TMEM232: variants seen among roughly 807,000 people sequenced by gnomAD.
TMEM232 encodes the protein transmembrane protein 232.
A neutral mutation model predicts 78.8 loss-of-function variants in TMEM232; 80 were observed. The observed-to-expected ratio is 1.01, with a 90% CI of 0.85 to 1.22. TMEM232 has a LOEUF of 1.22. Among genes scored for constraint, TMEM232 ranks in the 50% most tolerant of loss-of-function variants. TMEM232 has a pLI of 0.00. For synonymous variants in TMEM232, 297 were observed against 254.3 expected, an observed-to-expected ratio of 1.17 and a Z score of -1.60; for missense variants, 881 against 742.2, an observed-to-expected ratio of 1.19 and a Z score of -2.17.
intron 1 of TMEM232, among the ~76,000 whole-genome samples, chr5:110,700,770 GTAGATAGATAGATAGGTAGATAGATAGA>G (rs1795330804): frequency 7.6e-6 from 1 of 131,154 alleles, no homozygotes; most frequent in Admixed American, 7.5e-5. Context: ...AGGTAGGTAG[GTAGATAGATAGATAGGTAGATAGATAGA>G]TAGATAGATA....
intron 11 of TMEM232, among the ~76,000 whole-genome samples, chr5:110,531,909 A>G (rs983515168): frequency 2.6e-5 from 4 of 152,170 alleles, no homozygotes; most frequent in African/African-American, 9.7e-5. Flanking sequence ...TAAAACTCCA[A>G]AAATTAAATT....
At chr5:110,676,578 G>T (rs1310875249) in intron 1 of TMEM232, among the ~76,000 whole-genome samples, 1 of 151,266 alleles carries the variant, frequency 6.6e-6, no homozygotes, top group African/African-American at 2.4e-5. Flanking sequence ...TCTAATGTTT[G>T]TATGTATGTA....
intron 10 of TMEM232, among the ~76,000 whole-genome samples, chr5:110,577,191 A>G (rs1016650151): frequency 6.6e-6 from 1 of 151,876 alleles, no homozygotes; most frequent in African/African-American, 2.4e-5. Context: ...AAGAAAAAAA[A>G]TCCCATAAAA....
At chr5:110,632,463 C>T (rs771652344) in intron 5 of TMEM232, among the ~76,000 whole-genome samples, 1 of 151,692 alleles carries the variant, frequency 6.6e-6, no homozygotes, top group Non-Finnish European at 1.5e-5. Flanking sequence ...TAAAGAAACA[C>T]AGTTAGATAC....
intron 12 of TMEM232, among the ~76,000 whole-genome samples, chr5:110,505,685 T>G (rs1766802514): frequency 6.6e-6 from 1 of 151,976 alleles, no homozygotes; most frequent in South Asian, 2.1e-4. Context: ...TTTTGTGTAT[T>G]TTTTGGTAGA....
intron 12 of TMEM232, among the ~76,000 whole-genome samples, chr5:110,469,951 G>A (rs1322010507): frequency 6.6e-6 from 1 of 152,066 alleles, no homozygotes; most frequent in East Asian, 1.9e-4. Context: ...GCCAAAGAGT[G>A]GAGTCATTAC....
intron 2 of TMEM232, among the ~76,000 whole-genome samples, chr5:110,405,424 C>G (rs1203047685): frequency 1.3e-5 from 2 of 150,350 alleles, no homozygotes; most frequent in African/African-American, 4.9e-5. Flanking sequence ...GTCCCATCAC[C>G]AAGAAAAAAA....
intron 5 of TMEM232, 47 bp from the exon 6 acceptor site, chr5:110,627,927 A>G: frequency 1.6e-6 from 2 of 1,258,820 alleles, no homozygotes; most frequent in Non-Finnish European, 2.2e-6. Flanking sequence ...GCATCAATAA[A>G]TGTTTAAAAA....
chr5:110,671,458 C>T (rs7445771), intron 1 of TMEM232, among the ~76,000 whole-genome samples: 152,086 of 152,288 alleles, frequency 1, 75,942 homozygotes, highest in Middle Eastern at 1. Flanking sequence ...CGTATGTTTA[C>T]TGCAGCACTA....
At chr5:110,575,725 C>T (rs974756350) in intron 10 of TMEM232, among the ~76,000 whole-genome samples, 2 of 151,998 alleles carry the variant, frequency 1.3e-5, no homozygotes, top group Non-Finnish European at 2.9e-5. Context: ...AAACCTCCCC[C>T]ACTCAGAGAA....
At chr5:110,600,135 C>A (rs1780704924) in intron 10 of TMEM232, among the ~76,000 whole-genome samples, 1 of 152,046 alleles carries the variant, frequency 6.6e-6, no homozygotes, top group African/African-American at 2.4e-5. Context: ...GAACAATGTA[C>A]CAGAATCTCT....
rs111858288 is a variant in TMEM232, at chr5:110,470,814, G to C, written c.1704-45898C>G. Among the ~76,000 whole-genome samples, 569 of 152,164 alleles carry C rather than the reference G, an allele frequency of 3.7e-3. 2 individuals are homozygous for C. Among genetic ancestry groups the C allele is most frequent in the African/African-American group, 0.013 (553 of 41,512 alleles). ...CCAGATGCACAGACATCAACACAGA[G>C]ACACAAAAAAGCAATGAAAAATCAA... On this transcript the variant is annotated intron_variant, in intron 12 of 13. Transcript: ENST00000455884.
intron 1 of TMEM232, among the ~76,000 whole-genome samples, chr5:110,669,337 G>T (rs564454250): frequency 2.6e-5 from 4 of 152,252 alleles, no homozygotes; most frequent in Admixed American, 2.6e-4. Flanking sequence ...TACCATCAGA[G>T]AATACTATAA....
At chr5:110,718,052 T>C (rs895102883) in intron 1 of TMEM232, among the ~76,000 whole-genome samples, 1 of 152,196 alleles carries the variant, frequency 6.6e-6, no homozygotes, top group African/African-American at 2.4e-5. Context: ...ATTTTTGGTC[T>C]TTAATTATCC....
At chr5:110,599,098 T>G (rs1780557183) in intron 10 of TMEM232, among the ~76,000 whole-genome samples, 1 of 151,804 alleles carries the variant, frequency 6.6e-6, no homozygotes, top group African/African-American at 2.4e-5. Flanking sequence ...AGAAATAAAA[T>G]CCTTTAGAGA....
chr5:110,641,503 A>G (rs1441864222), intron 3 of TMEM232, among the ~76,000 whole-genome samples: 1 of 152,128 alleles, frequency 6.6e-6, no homozygotes, highest in African/African-American at 2.4e-5. Flanking sequence ...ACAATTGGAG[A>G]AAAGTTCACT....
chr5:110,598,012 T>C (rs1198076084), intron 10 of TMEM232, among the ~76,000 whole-genome samples: 91 of 152,046 alleles, frequency 6.0e-4, no homozygotes, highest in Non-Finnish European at 1.5e-4. Flanking sequence ...AATTGACAAA[T>C]GGGATCTAAT....
At chr5:110,450,478 T>C (rs1218305060) in intron 12 of TMEM232, among the ~76,000 whole-genome samples, 2 of 152,156 alleles carry the variant, frequency 1.3e-5, no homozygotes, top group Non-Finnish European at 2.9e-5. Context: ...TCCATTTTTT[T>C]TCAATCTTAT....
At chr5:110,653,894 T>C (rs148128618) in intron 2 of TMEM232, among the ~76,000 whole-genome samples, 1 of 152,132 alleles carries the variant, frequency 6.6e-6, no homozygotes, top group Non-Finnish European at 1.5e-5. Flanking sequence ...AATAAAGATT[T>C]CAGATTCACC....
Sources: gnomAD v4.1 joint callset for allele counts (sites outside exome capture counted in the v4.1 genomes callset) on GRCh38, gnomAD v4.1.1 for gene constraint, MANE v1.5 for transcripts, NCBI Gene and HGNC (gene_info 2026-07-23, HGNC 2026-07-21) for gene names.